Variants in TP73 observed in about 807,000 individuals in gnomAD.
TP73 encodes the protein p53-like transcription factor.
A neutral mutation model predicts 62.5 loss-of-function variants in TP73; 25 were observed. The ratio of observed to expected loss-of-function variants is 0.40; its 90% CI spans 0.29 to 0.56. TP73 has a LOEUF of 0.56. TP73 is among the 20% of genes least tolerant of loss of function. The pLI is 0.46. For synonymous variants in TP73, 423 were observed against 377.5 expected, an observed-to-expected ratio of 1.12 and a Z score of -1.40; for missense variants, 754 against 913.3, an observed-to-expected ratio of 0.83 and a Z score of 2.25.
At chr1:3,690,720 C>T in intron 3 of TP73, 1 of 1,431,024 alleles carries the variant, frequency 7.0e-7, no homozygotes, top group Non-Finnish European at 9.1e-7. Context: ...AGCGAAAATG[C>T]CAACAAACGG....
chr1:3,722,056 C>T lies in TP73; in HGVS notation c.465C>T (p.Ile155=), dbSNP rs775948386. 1.6e-5 allele frequency: 26 copies of T among 1,611,324 alleles called. No homozygotes were observed. The highest frequency in any genetic ancestry group is 2.0e-5 in the Non-Finnish European group (23 of 1,178,832). The change falls in exon 5 of 14, where the codon ATC becomes ATT. Residue 155 remains isoleucine (I), a synonymous_variant. Coordinates refer to ENST00000378295, the MANE Select transcript of TP73 (RefSeq NM_005427.4). ...SPLLKKLYCQ[I]AKTCPIQIKV... is the part of the protein sequence containing the mutation. The stretch of plus-strand genomic sequence containing the variant: ...TCTTGAAGAAACTCTACTGCCAGAT[C>T]GCCAAGACATGCCCCATCCAGATCA...
intron 4 of TP73, among the ~76,000 whole-genome samples, chr1:3,719,290 C>T (rs956188280): frequency 5.9e-5 from 9 of 152,218 alleles, no homozygotes; most frequent in African/African-American, 2.2e-4. Flanking sequence ...TCCAGGGGGC[C>T]TGTGTGCTCT....
intron 3 of TP73, among the ~76,000 whole-genome samples, chr1:3,690,295 G>A (rs917387316): frequency 4.6e-5 from 7 of 152,086 alleles, no homozygotes; most frequent in Non-Finnish European, 7.4e-5. Context: ...TGGTCCTGGC[G>A]GACCACCGAG....
chr1:3,720,481 G>A (rs1640981321), intron 4 of TP73, among the ~76,000 whole-genome samples: 1 of 152,166 alleles, frequency 6.6e-6, no homozygotes, highest in East Asian at 1.9e-4. Context: ...TGTCCCTCCA[G>A]CCCCCTCACA....
chr1:3,708,060 C>T, intron 4 of TP73: 2 of 562,968 alleles, frequency 3.6e-6, no homozygotes, highest in Non-Finnish European at 6.3e-6. Context: ...CTGGTGAGAT[C>T]TCTGCCAAGA....
At chr1:3,688,058 A>G (rs1266504768) in intron 3 of TP73, among the ~76,000 whole-genome samples, 1 of 152,068 alleles carries the variant, frequency 6.6e-6, no homozygotes, top group Non-Finnish European at 1.5e-5. Flanking sequence ...AGGCGGACAG[A>G]GGGAGAAGGA....
At chr1:3,713,391 G>A (rs1051156509) in intron 4 of TP73, among the ~76,000 whole-genome samples, 3 of 152,184 alleles carry the variant, frequency 2.0e-5, no homozygotes, top group Non-Finnish European at 2.9e-5. Flanking sequence ...GGGAAAGAGA[G>A]GCCCACAGGG....
chr1:3,730,568 C>T (rs1468353260), intron 11 of TP73, among the ~76,000 whole-genome samples: 2 of 152,284 alleles, frequency 1.3e-5, no homozygotes, highest in Non-Finnish European at 1.5e-5. Flanking sequence ...GCCCCCTTCC[C>T]CTGGAAGGTC....
rs747608276 is a variant in TP73 at position 3,707,670 on chromosome 1, G to A, written c.308G>A (p.Ser103Asn). ...VPTHSPYAQPSSTFDTMSPAP... is the reference protein window; with the variant it reads ...VPTHSPYAQPNSTFDTMSPAP... The stretch of plus-strand genomic sequence containing the variant: ...ACCCACTCGCCCTACGCACAACCCA[G>A]CTCCACCTTCGACACCATGTCGCCG... The change falls in exon 4 of 14, where the codon AGC becomes AAC. Residue 103 changes from serine (S) to asparagine (N), a missense_variant. This residue lies in a region of TP73 where 235 missense variants were observed against 251.4 expected (regional missense o/e 0.93). Transcript: ENST00000378295. 30 of 1,613,164 alleles carry A rather than the reference G, an allele frequency of 1.9e-5. No individual in the cohort carries two copies. The highest frequency in any genetic ancestry group is 2.5e-5 in the Non-Finnish European group (30 of 1,179,940).
chr1:3,703,510 G>A lies in TP73; in HGVS notation c.187-4039G>A, dbSNP rs549093592. 5.3e-5 allele frequency among the ~76,000 whole-genome samples: 8 copies of A among 152,360 alleles called. No homozygotes were observed. In the South Asian group the frequency reaches 1.0e-3, roughly 20 times the overall value. ...GGATTCCCGCGTGGGGCCGCCTGCC[G>A]CAAGGGCCTGGCTCACTCCCGCTGG... On this transcript the variant is annotated intron_variant, in intron 3 of 13. Transcript: ENST00000378295.
At chr1:3,731,799 G>A (rs1039032349) in intron 13 of TP73, among the ~76,000 whole-genome samples, 2 of 152,244 alleles carry the variant, frequency 1.3e-5, no homozygotes, top group African/African-American at 4.8e-5. Flanking sequence ...AGCCTTTTTG[G>A]ACTCCCAGCA....
At chr1:3,660,264 C>G (rs993732379) in intron 1 of TP73, among the ~76,000 whole-genome samples, 2 of 152,220 alleles carry the variant, frequency 1.3e-5, no homozygotes, top group Admixed American at 6.5e-5. Flanking sequence ...CAAAAAATCA[C>G]AGTCTTTCCT....
rs59432695 is a variant in TP73, at chr1:3,666,124, C to CAAA, written c.-34+13508_-34+13510dup. ...GGGCAACAAGAGCAAAACTCTGTCT[C>CAAA]AAAAAAAAAAAAAAAAAAAAAAAAA... On this transcript the variant is annotated intron_variant, in intron 1 of 13. Coordinates refer to ENST00000378295, the MANE Select transcript of TP73 (RefSeq NM_005427.4). This position sits in a 1 kb window ranked among gnomAD's most constrained non-coding sequence, Gnocchi z 6.4. 5.1e-3 allele frequency among the ~76,000 whole-genome samples: 211 copies of CAAA among 41,014 alleles called. 17 individuals are homozygous for CAAA. Among genetic ancestry groups the CAAA allele is most frequent in the African/African-American group, 0.01 (116 of 11,212 alleles). The allele number at this position is 41,014 out of a possible 152,430, so 26.9% of individuals were successfully genotyped here. A position where few individuals can be genotyped will look rare whatever the true frequency, so the allele number is the denominator to read the frequency against.
chr1:3,698,024 A>G (rs1008565000), intron 3 of TP73: 1 of 962,888 alleles, frequency 1.0e-6, no homozygotes, highest in Non-Finnish European at 1.2e-6. Context: ...CGGCTCAGCC[A>G]CCCATTCTCG....
intron 3 of TP73, chr1:3,690,978 G>A (rs371093258): frequency 7.7e-6 from 12 of 1,565,472 alleles, no homozygotes; most frequent in Middle Eastern, 1.7e-4. Flanking sequence ...GGATCTCTTC[G>A]GGGACTTTGC....
chr1:3,732,767 C>A lies in TP73; in HGVS notation c.1599C>A (p.Ile533=). 6.3e-7 allele frequency: 1 copy of A among 1,583,698 alleles called. No individual in the cohort carries two copies. Among genetic ancestry groups the A allele is most frequent in the Non-Finnish European group, 8.6e-7 (1 of 1,161,440 alleles). Residue 533 remains isoleucine (I), a synonymous_variant, in exon 14 of 14, where the codon ATC becomes ATA. Coordinates refer to ENST00000378295, the MANE Select transcript of TP73 (RefSeq NM_005427.4). ...LTIEDLGALK[I]PEQYRMTIWR... is the part of the protein sequence containing the mutation. ...CGCAGGACCTGGGGGCCCTGAAGATCCCCGAGCAGTACCGCATGACCATCT... is the reference window on the plus strand; with the variant it reads ...CGCAGGACCTGGGGGCCCTGAAGATACCCGAGCAGTACCGCATGACCATCT...
At chr1:3,717,313 T>C (rs1269034930) in intron 4 of TP73, among the ~76,000 whole-genome samples, 1 of 151,874 alleles carries the variant, frequency 6.6e-6, no homozygotes, top group East Asian at 1.9e-4. Context: ...CATGTTGTAC[T>C]GGGGCGGGGG....
rs1180573709 is a variant in TP73 at position 3,672,724 on chromosome 1, G to A, written c.-33-9609G>A. On this transcript the variant is annotated intron_variant, in intron 1 of 13. Coordinates refer to ENST00000378295, the MANE Select transcript of TP73 (RefSeq NM_005427.4). The surrounding 1 kb of genome is among the most constrained non-coding windows in gnomAD (Gnocchi z 5.3). Reference sequence around the variant, plus strand: ...AGGGTCGCCCTTCCTCTAACAGGTGGGCTCCTGGCAGGAAACATCACCAAG... The same window carrying A: ...AGGGTCGCCCTTCCTCTAACAGGTGAGCTCCTGGCAGGAAACATCACCAAG... 6.6e-6 allele frequency among the ~76,000 whole-genome samples: 1 copy of A among 152,018 alleles called. No individual in the cohort carries two copies. The highest frequency in any genetic ancestry group is 2.4e-5 in the African/African-American group (1 of 41,362).
chr1:3,690,881 G>A lies in TP73; in HGVS notation c.186+7701G>A, dbSNP rs372981267. The A allele has an allele frequency of 1.1e-5, 18 of 1,567,618 alleles. 1 individual carries two copies. The South Asian group carries it at 1.3e-4, about 11-fold the overall frequency. ...TCCCACGGGACACCAGTTCCCTGGCGTGTGCAGACCCCCCGGCGCCTACCA... is the reference window on the plus strand; with the variant it reads ...TCCCACGGGACACCAGTTCCCTGGCATGTGCAGACCCCCCGGCGCCTACCA... On this transcript the variant is annotated intron_variant, in intron 3 of 13. Transcript: ENST00000378295.
Sources: gnomAD v4.1 joint callset for allele counts (sites outside exome capture counted in the v4.1 genomes callset) on GRCh38, gnomAD v4.1.1 for gene constraint, gnomAD v4.1.1 regional missense constraint, Gnocchi (gnomAD v3.1) non-coding constraint, MANE v1.5 for transcripts, NCBI Gene and HGNC (gene_info 2026-07-23, HGNC 2026-07-21) for gene names.